The following ATP9B variants were observed in gnomAD, a reference collection of about 807,000 sequenced individuals.
The protein encoded by ATP9B is probable phospholipid-transporting ATPase IIB.
Under a neutral mutation model 146.1 loss-of-function variants are expected in ATP9B, and 110 were observed. That is an observed-to-expected ratio of 0.75 (90% CI 0.65 to 0.88). The LOEUF (loss-of-function observed/expected upper bound fraction) is 0.88. Ranked by LOEUF, ATP9B falls within the 40% of genes least tolerant of loss-of-function variation. The probability of loss-of-function intolerance (pLI) is 0.00; values close to 1 mark genes in which losing one functional copy is unlikely to be tolerated. For synonymous variants in ATP9B, 604 were observed against 569.7 expected, an observed-to-expected ratio of 1.06 and a Z score of -0.86; for missense variants, 1,499 against 1,496.4, an observed-to-expected ratio of 1.00 and a Z score of -0.03.
chr18:79,280,938 T>C (rs1166209232), intron 13 of ATP9B, among the ~76,000 whole-genome samples: 2 of 152,200 alleles, frequency 1.3e-5, no homozygotes. Context: ...ATATAATCAC[T>C]TTATATCAAA....
chr18:79,369,703 G>A (rs576881037), intron 26 of ATP9B, among the ~76,000 whole-genome samples: 2 of 152,208 alleles, frequency 1.3e-5, no homozygotes, highest in African/African-American at 2.4e-5. Context: ...CATCTTTCAC[G>A]CCACACGCGC....
At chr18:79,113,452 A>G (rs1237962375) in intron 4 of ATP9B, 98 bp downstream of exon 4, 16 of 789,876 alleles carry the variant, frequency 2.0e-5, no homozygotes, top group Non-Finnish European at 2.7e-5. Flanking sequence ...CAGATTTTTA[A>G]AACATGGTGT....
intron 10 of ATP9B, among the ~76,000 whole-genome samples, chr18:79,210,670 C>T (rs1293524043): frequency 2.0e-5 from 3 of 152,214 alleles, no homozygotes; most frequent in South Asian, 2.1e-4. Context: ...TTGCTATCAT[C>T]GGGTCCAGCC....
chr18:79,215,459 A>G (rs111889158), intron 11 of ATP9B, among the ~76,000 whole-genome samples: 1 of 152,170 alleles, frequency 6.6e-6, no homozygotes, highest in South Asian at 2.1e-4. Flanking sequence ...CTGCGTTACT[A>G]TTGAGTATAA....
Position 79,157,396 on chromosome 18 carries a change from C to CAAAAAAAAAA in ATP9B, c.778+2860_778+2869dup, listed in dbSNP as rs147316668. On this transcript the variant is annotated intron_variant, in intron 7 of 29. Transcript: ENST00000426216. ...GGGTGACGAGAGTGAAACTCCATCT[C>CAAAAAAAAAA]AAAAAAAAAAAAAAAAAAAAAAAAA... Among the ~76,000 whole-genome samples, 44 of 48,588 alleles carry CAAAAAAAAAA rather than the reference C, an allele frequency of 9.1e-4. 1 individual carries two copies. The highest frequency in any genetic ancestry group is 5.7e-3 in the East Asian group (4 of 700). 31.9% of individuals were successfully genotyped at this position (48,588 alleles called of 152,430 possible). A position where few individuals can be genotyped will look rare whatever the true frequency, so the allele number is the denominator to read the frequency against.
chr18:79,255,617 C>T (rs1198245196), intron 12 of ATP9B, among the ~76,000 whole-genome samples: 2 of 152,258 alleles, frequency 1.3e-5, no homozygotes, highest in African/African-American at 2.4e-5. Flanking sequence ...AAGCAGGCTG[C>T]AGTGACTGAC....
At chr18:79,081,105 T>C (rs1242155722) in intron 1 of ATP9B, among the ~76,000 whole-genome samples, 13 of 152,094 alleles carry the variant, frequency 8.5e-5, no homozygotes, top group Non-Finnish European at 1.9e-4. Context: ...CTCTGCCAGG[T>C]TTTGTTATCA....
intron 17 of ATP9B, among the ~76,000 whole-genome samples, chr18:79,330,636 A>G (rs956123387): frequency 6.6e-6 from 1 of 152,154 alleles, no homozygotes; most frequent in Non-Finnish European, 1.5e-5. Flanking sequence ...GATGGTCTCT[A>G]TCTCCTGACC....
intron 25 of ATP9B, among the ~76,000 whole-genome samples, chr18:79,349,892 GCA>G (rs2096912861): frequency 2.9e-5 from 3 of 102,958 alleles, no homozygotes; most frequent in African/African-American, 1.3e-4. Context: ...GGGAGGCCCC[GCA>G]CCCCCCCCCC....
intron 13 of ATP9B, among the ~76,000 whole-genome samples, chr18:79,290,124 A>T (rs1317991171): frequency 6.6e-6 from 1 of 152,144 alleles, no homozygotes; most frequent in Admixed American, 6.5e-5. Flanking sequence ...GCGTGCTGGG[A>T]GAACCACTGC....
At chr18:79,092,535 C>T (rs1325317914) in intron 1 of ATP9B, among the ~76,000 whole-genome samples, 1 of 150,498 alleles carries the variant, frequency 6.6e-6, no homozygotes. Flanking sequence ...TGTAATAACG[C>T]TTAGTTTAAA....
At chr18:79,277,512 G>C (rs565524862) in intron 13 of ATP9B, among the ~76,000 whole-genome samples, 2 of 151,886 alleles carry the variant, frequency 1.3e-5, no homozygotes, top group African/African-American at 4.8e-5. Flanking sequence ...CACCTCCCTA[G>C]TGGCTTATTA....
At chr18:79,191,867 G>A (rs2095369930) in intron 8 of ATP9B, among the ~76,000 whole-genome samples, 1 of 152,080 alleles carries the variant, frequency 6.6e-6, no homozygotes, top group South Asian at 2.1e-4. Flanking sequence ...TTAGAAATTT[G>A]GATCATCTCT....
chr18:79,072,545 ACTT>A (rs1317248121), intron 1 of ATP9B, among the ~76,000 whole-genome samples: 2 of 151,014 alleles, frequency 1.3e-5, no homozygotes, highest in Non-Finnish European at 3.0e-5. Flanking sequence ...TCCTATGTCT[ACTT>A]CTTTCTACAC....
In ATP9B at chr18:79,282,486, C is replaced by T. The variant is rs1019804066; in HGVS notation, c.1411+5290C>T. On this transcript the variant is annotated intron_variant, in intron 13 of 29. Transcript: ENST00000426216. ...CAGTCAGCAGCCGTCAACATTAAGA[C>T]AAGACCCTCTACCAGCAAAAAGATT... Among the ~76,000 whole-genome samples the T allele has an allele frequency of 4.6e-5, 7 of 152,302 alleles. No individual in the cohort carries two copies. In the East Asian group the frequency reaches 1.2e-3, roughly 25 times the overall value.
intron 15 of ATP9B, among the ~76,000 whole-genome samples, chr18:79,318,723 T>G (rs2096697038): frequency 6.6e-6 from 1 of 152,192 alleles, no homozygotes; most frequent in Non-Finnish European, 1.5e-5. Context: ...CAAATAAAAG[T>G]TCAGATATGT....
chr18:79,351,971 C>T (rs1246398724), intron 25 of ATP9B, among the ~76,000 whole-genome samples: 1 of 152,110 alleles, frequency 6.6e-6, no homozygotes, highest in Non-Finnish European at 1.5e-5. Context: ...GCTCCTAGGC[C>T]AAGTCCTCAT....
intron 11 of ATP9B, among the ~76,000 whole-genome samples, chr18:79,240,727 C>G (rs559394234): frequency 6.6e-6 from 1 of 152,334 alleles, no homozygotes; most frequent in South Asian, 2.1e-4. Context: ...ACCTGGGCAA[C>G]AAGAGCGAAA....
At chr18:79,184,971 A>T (rs184179330) in intron 8 of ATP9B, among the ~76,000 whole-genome samples, 1 of 128,646 alleles carries the variant, frequency 7.8e-6, no homozygotes, top group Non-Finnish European at 1.6e-5. Context: ...TATATTAGAA[A>T]AAATTTGTCT....
Sources: gnomAD v4.1 joint callset for allele counts (sites outside exome capture counted in the v4.1 genomes callset) on GRCh38, gnomAD v4.1.1 for gene constraint, MANE v1.5 for transcripts, NCBI Gene and HGNC (gene_info 2026-07-23, HGNC 2026-07-21) for gene names.